The following CTNND2 variants were observed in gnomAD, a reference collection of about 807,000 sequenced individuals.
The protein encoded by CTNND2 is catenin delta 2.
In CTNND2, 22 loss-of-function variants were observed where a neutral mutation model predicts 144.4. That is an observed-to-expected ratio of 0.15 (90% CI 0.11 to 0.22). The LOEUF (loss-of-function observed/expected upper bound fraction) is 0.22, where lower values mean the gene tolerates loss of function less well. Ranked by LOEUF, CTNND2 falls within the 10% of genes least tolerant of loss-of-function variation. CTNND2 has a pLI of 1.00. For synonymous variants in CTNND2, 751 were observed against 695.6 expected, an observed-to-expected ratio of 1.08 and a Z score of -1.25; for missense variants, 1,353 against 1,618.8, an observed-to-expected ratio of 0.84 and a Z score of 2.82.
At chr5:11,128,738 TA>T (rs1373749540) in intron 12 of CTNND2, among the ~76,000 whole-genome samples, 2 of 41,800 alleles carry the variant, frequency 4.8e-5, no homozygotes, top group Admixed American at 7.3e-4. Flanking sequence ...ATAATATATA[TA>T]TTTATATATA....
chr5:11,250,512 TACATATA>T (rs1306240646), intron 9 of CTNND2, among the ~76,000 whole-genome samples: 13 of 72,428 alleles, frequency 1.8e-4, no homozygotes, highest in Admixed American at 5.8e-4. Flanking sequence ...TATATATATA[TACATATA>T]TTTTTTTTTT....
intron 2 of CTNND2, among the ~76,000 whole-genome samples, chr5:11,668,647 G>T (rs1347737760): frequency 1.3e-5 from 2 of 152,174 alleles, no homozygotes; most frequent in Non-Finnish European, 2.9e-5. Flanking sequence ...TTGCATATCA[G>T]CTTAAGGAGA....
In CTNND2 at chr5:11,396,046, G is replaced by C. The variant is rs372896843; in HGVS notation, c.612+985C>G. ...AATTGGTGAAAGAGATGGGCTCGGG[G>C]GTTACAGAGCCAGTGGTGCATAGTG... is the stretch of plus-strand genomic sequence containing the variant. On this transcript the variant is annotated intron_variant, in intron 6 of 21. Coordinates refer to ENST00000304623, the MANE Select transcript of CTNND2 (RefSeq NM_001332.4). 3.9e-5 allele frequency among the ~76,000 whole-genome samples: 6 copies of C among 152,296 alleles called. No homozygotes were observed. In the East Asian group the frequency reaches 1.2e-3, roughly 29 times the overall value.
rs61750297 is a variant in CTNND2, at chr5:11,075,553, C to T, written c.2788+7143G>A. On this transcript the variant is annotated intron_variant, in intron 16 of 21. Coordinates refer to ENST00000304623, the MANE Select transcript of CTNND2 (RefSeq NM_001332.4). Reference sequence around the variant, plus strand: ...GACACGGAGGATAGGTCCTTCTCTTCAGCCTCAGGAGGGTGCAGGGAGCTA... The same window carrying T: ...GACACGGAGGATAGGTCCTTCTCTTTAGCCTCAGGAGGGTGCAGGGAGCTA... Among the ~76,000 whole-genome samples, 597 of 152,344 alleles carry T rather than the reference C, an allele frequency of 3.9e-3. 4 individuals are homozygous for T. Among genetic ancestry groups the T allele is most frequent in the African/African-American group, 0.012 (503 of 41,590 alleles).
intron 1 of CTNND2, among the ~76,000 whole-genome samples, chr5:11,743,499 C>T (rs147226158): frequency 2.0e-5 from 3 of 152,132 alleles, no homozygotes; most frequent in African/African-American, 7.2e-5. Flanking sequence ...CTGATACTTG[C>T]AACCAACAGC....
intron 18 of CTNND2, 82 bp from the exon 19 acceptor site, chr5:10,992,759 T>C (rs1738842244): frequency 6.5e-7 from 1 of 1,532,494 alleles, no homozygotes; most frequent in South Asian, 1.2e-5. Context: ...TCCAAGTATC[T>C]GGATTTGCAT....
chr5:11,021,965 A>G (rs1742302573), intron 17 of CTNND2, among the ~76,000 whole-genome samples: 1 of 152,100 alleles, frequency 6.6e-6, no homozygotes, highest in South Asian at 2.1e-4. Flanking sequence ...TAAAATTGAC[A>G]CCTTGCTGAT....
Position 10,981,853 on chromosome 5 carries a change from G to C in CTNND2, c.3344-7C>G, listed in dbSNP as rs769704199. 2.5e-6 allele frequency: 4 copies of C among 1,611,494 alleles called. No homozygotes were observed. The highest frequency in any genetic ancestry group is 1.7e-5 in the Admixed American group (1 of 59,674). ...GAAATTCCAGTGTTTTGAGCTAAAA[G>C]CAAAAGGAAAACAAAAGTTTAGCAA... On this transcript the variant is annotated splice_polypyrimidine_tract_variant and splice_region_variant and intron_variant, in intron 20 of 21. Transcript: ENST00000304623.
At chr5:11,816,124 A>G (rs944361780) in intron 1 of CTNND2, among the ~76,000 whole-genome samples, 2 of 152,166 alleles carry the variant, frequency 1.3e-5, no homozygotes, top group Non-Finnish European at 2.9e-5. Context: ...GGGGGCTGCC[A>G]CTTGCCTCCT....
intron 2 of CTNND2, among the ~76,000 whole-genome samples, chr5:11,566,051 A>G (rs1359837841): frequency 6.6e-6 from 1 of 152,214 alleles, no homozygotes; most frequent in African/African-American, 2.4e-5. Context: ...TTGCAGGGAT[A>G]TATCTTTCCA....
chr5:11,095,218 C>T (rs2149660651), intron 15 of CTNND2, among the ~76,000 whole-genome samples: 1 of 152,296 alleles, frequency 6.6e-6, no homozygotes, highest in Middle Eastern at 3.4e-3. Context: ...AACCTGCAAA[C>T]TTACACGGAA....
At chr5:11,578,508 A>C (rs998515551) in intron 2 of CTNND2, among the ~76,000 whole-genome samples, 4 of 151,998 alleles carry the variant, frequency 2.6e-5, no homozygotes, top group Admixed American at 2.6e-4. Flanking sequence ...TAAAAATACA[A>C]AAATTAGCCA....
intron 18 of CTNND2, among the ~76,000 whole-genome samples, 181 bp from the exon 19 acceptor site, chr5:10,992,858 C>G (rs1234366246): frequency 6.6e-6 from 1 of 152,182 alleles, no homozygotes; most frequent in Non-Finnish European, 1.5e-5. Flanking sequence ...AGACACACCT[C>G]CTTCCCTCCA....
intron 3 of CTNND2, among the ~76,000 whole-genome samples, chr5:11,517,892 T>C (rs1772324201): frequency 6.6e-6 from 1 of 152,232 alleles, no homozygotes; most frequent in African/African-American, 2.4e-5. Flanking sequence ...TATTATTAAC[T>C]ATAGTCATCA....
chr5:11,407,009 T>C (rs1419270111), intron 5 of CTNND2, among the ~76,000 whole-genome samples: 1 of 152,212 alleles, frequency 6.6e-6, no homozygotes, highest in Non-Finnish European at 1.5e-5. Context: ...TACGAGTTAT[T>C]TTTTTCCAGG....
At chr5:11,546,651 C>G (rs1775261625) in intron 3 of CTNND2, among the ~76,000 whole-genome samples, 1 of 152,032 alleles carries the variant, frequency 6.6e-6, no homozygotes, top group Admixed American at 6.6e-5. Flanking sequence ...CTCTGTGGAG[C>G]CTAGCAATGA....
In CTNND2 at chr5:11,639,301, G is replaced by A. The variant is rs754662170; in HGVS notation, c.175-74245C>T. On this transcript the variant is annotated intron_variant, in intron 2 of 21. Transcript: ENST00000304623. ...TTCAGTTCTGGCTATTTAAAATGCT[G>A]TCTCCATACCAGCAGCTTTGGCCTT... Among the ~76,000 whole-genome samples, 5 of 152,122 alleles carry A rather than the reference G, an allele frequency of 3.3e-5. 1 individual carries two copies. The highest frequency in any genetic ancestry group is 1.3e-4 in the Admixed American group (2 of 15,272).
intron 9 of CTNND2, among the ~76,000 whole-genome samples, chr5:11,333,758 A>T (rs1753440752): frequency 6.6e-6 from 1 of 152,184 alleles, no homozygotes. Context: ...TTTGCTTGAA[A>T]GGGTTTGCTC....
At chr5:11,203,631 T>C (rs923476802) in intron 10 of CTNND2, among the ~76,000 whole-genome samples, 14 of 152,204 alleles carry the variant, frequency 9.2e-5, no homozygotes, top group African/African-American at 3.1e-4. Context: ...CGCCTCGGTC[T>C]CCCAAATTGC....
Sources: allele counts gnomAD v4.1 joint callset (sites outside exome capture counted in the v4.1 genomes callset), GRCh38; gene constraint gnomAD v4.1.1; transcripts MANE v1.5; gene names NCBI Gene and HGNC (gene_info 2026-07-23, HGNC 2026-07-21).